Variants in NFIB observed in about 807,000 individuals in gnomAD.
The protein encoded by NFIB is nuclear factor I B, also known as nuclear factor 1 B-type.
A neutral mutation model predicts 61.5 loss-of-function variants in NFIB; 11 were observed. That is an observed-to-expected ratio of 0.18 (90% CI 0.11 to 0.30). The LOEUF (loss-of-function observed/expected upper bound fraction) is 0.30. NFIB is among the 10% of genes least tolerant of loss of function. NFIB has a pLI of 1.00. For synonymous variants in NFIB, 260 were observed against 216.5 expected, an observed-to-expected ratio of 1.20 and a Z score of -1.76; for missense variants, 471 against 608.9, an observed-to-expected ratio of 0.77 and a Z score of 2.38.
At chr9:14,434,936 A>G in the NFIB span, among the ~76,000 whole-genome samples, 9 of 152,226 alleles carry the variant, frequency 5.9e-5, no homozygotes, top group Non-Finnish European at 1.3e-4. Flanking sequence ...AACCTCATGC[A>G]TGTATTGATT....
the NFIB span, among the ~76,000 whole-genome samples, chr9:14,420,414 C>T: frequency 8.0e-6 from 1 of 124,844 alleles, no homozygotes; most frequent in Non-Finnish European, 1.6e-5. Context: ...CCACTGTACT[C>T]CAGCCTGGGC....
At chr9:14,396,843 C>A (rs542750280) in intron 1 of NFIB, among the ~76,000 whole-genome samples, 1 of 152,250 alleles carries the variant, frequency 6.6e-6, no homozygotes, top group East Asian at 1.9e-4. Context: ...GTAGCTGAAT[C>A]TAAGGTGCCT....
intron 8 of NFIB, among the ~76,000 whole-genome samples, chr9:14,118,954 G>C (rs909127588): frequency 6.6e-6 from 1 of 151,646 alleles, no homozygotes; most frequent in Non-Finnish European, 1.5e-5. Flanking sequence ...GTAACACTAA[G>C]GGCCTGATTT....
At chr9:14,375,603 A>T (rs1257194168) in intron 1 of NFIB, among the ~76,000 whole-genome samples, 1 of 152,112 alleles carries the variant, frequency 6.6e-6, no homozygotes, top group Non-Finnish European at 1.5e-5. Flanking sequence ...GGTTGCAGTG[A>T]GCTGAGATTG....
the NFIB span, among the ~76,000 whole-genome samples, chr9:14,412,197 G>C: frequency 1.3e-5 from 2 of 152,278 alleles, no homozygotes; most frequent in African/African-American, 4.8e-5. Context: ...CAGCAATAAA[G>C]TACTTACATA....
chr9:14,322,098 A>T, intron 1 of NFIB: 1 of 938,720 alleles, frequency 1.1e-6, no homozygotes, highest in Non-Finnish European at 1.4e-6. Context: ...AAAAAAAAAA[A>T]AAAAGCAATC....
At chr9:14,140,358 G>A (rs1003829745) in intron 6 of NFIB, among the ~76,000 whole-genome samples, 5 of 152,224 alleles carry the variant, frequency 3.3e-5, no homozygotes, top group Admixed American at 1.3e-4. Flanking sequence ...GTCAGACTGT[G>A]GTTTGGACTA....
Position 14,085,050 on chromosome 9 carries a change from A to G in NFIB, c.*3259T>C, listed in dbSNP as rs1308059425. On this transcript the variant is annotated 3_prime_UTR_variant, in exon 11 of 11. Transcript: ENST00000380953. ...TCACCTAATAGGTCAAAGATACATG[A>G]AGAGCTTGGCTGAGATGATCTGTTT... 1 of 227,780 alleles carries G rather than the reference A, an allele frequency of 4.4e-6. No homozygotes were observed. 14.1% of individuals were successfully genotyped at this position (227,780 alleles called of 1,614,324 possible). A position where few individuals can be genotyped will look rare whatever the true frequency, so the allele number is the denominator to read the frequency against.
At position 14,307,482 on chromosome 9, in the gene NFIB, A is replaced by G; in HGVS notation, c.69T>C (p.His23=). 9 of 1,611,442 alleles carry G rather than the reference A, an allele frequency of 5.6e-6. No homozygotes were observed. The highest frequency in any genetic ancestry group is 7.6e-6 in the Non-Finnish European group (9 of 1,178,166). Residue 23 remains histidine, a synonymous_variant, in exon 2 of 11, where the codon CAT becomes CAC. Transcript: ENST00000380953. The surrounding 1 kb of genome is among the most constrained non-coding windows in gnomAD (Gnocchi z 5.3). ...FHPFIEALLP[H]VRAIAYTWFN... is the part of the protein sequence containing the mutation. ...ACCAAGTATAGGCAATTGCACGGAC[A>G]TGTGGAAGAAGTGCCTCGATGAATG...
At chr9:14,126,355 G>A (rs944557187) in intron 6 of NFIB, among the ~76,000 whole-genome samples, 1 of 152,234 alleles carries the variant, frequency 6.6e-6, no homozygotes, top group Non-Finnish European at 1.5e-5. Context: ...CTCACTGTTG[G>A]TGAGGAGGAA....
chr9:14,297,171 A>G (rs1563987030), intron 2 of NFIB, among the ~76,000 whole-genome samples: 1 of 152,166 alleles, frequency 6.6e-6, no homozygotes, highest in Non-Finnish European at 1.5e-5. Flanking sequence ...GAGATTTTTA[A>G]ATCCTCTGGG....
At chr9:14,187,538 C>A (rs2047514588) in intron 2 of NFIB, among the ~76,000 whole-genome samples, 1 of 151,996 alleles carries the variant, frequency 6.6e-6, no homozygotes, top group Non-Finnish European at 1.5e-5. Context: ...TTTCATTAAC[C>A]AAAGAAAACT....
At chr9:14,462,436 C>T in the NFIB span, among the ~76,000 whole-genome samples, 2 of 152,048 alleles carry the variant, frequency 1.3e-5, no homozygotes, top group Non-Finnish European at 2.9e-5. Flanking sequence ...GCACCCGCCA[C>T]CACGCCCGGC....
At chr9:14,245,682 G>T (rs565865188) in intron 2 of NFIB, among the ~76,000 whole-genome samples, 1 of 152,150 alleles carries the variant, frequency 6.6e-6, no homozygotes, top group South Asian at 2.1e-4. Flanking sequence ...AGACCAACCT[G>T]GCCAACATGG....
chr9:14,288,383 ATATTTTGGCATC>A (rs1170712448), intron 2 of NFIB, among the ~76,000 whole-genome samples: 1 of 152,106 alleles, frequency 6.6e-6, no homozygotes, highest in African/African-American at 2.4e-5. Flanking sequence ...TTAGTATTAA[ATATTTTGGCATC>A]TGTGTTAAAA....
At chr9:14,102,526 T>C in intron 10 of NFIB, 2 of 1,549,332 alleles carry the variant, frequency 1.3e-6, no homozygotes, top group Non-Finnish European at 1.7e-6. Context: ...AATTGAAACC[T>C]AGCAGTCAGA....
chr9:14,149,632 G>A (rs2042641029), intron 5 of NFIB, among the ~76,000 whole-genome samples: 1 of 152,080 alleles, frequency 6.6e-6, no homozygotes, highest in Admixed American at 6.6e-5. Flanking sequence ...TATTTTCATT[G>A]GTAACAGAGC....
intron 4 of NFIB, among the ~76,000 whole-genome samples, chr9:14,152,721 C>T (rs1001469645): frequency 8.6e-5 from 13 of 151,992 alleles, no homozygotes; most frequent in African/African-American, 3.1e-4. Context: ...TTAAAATCTT[C>T]AGAAATTGTT....
chr9:14,479,268 TAG>T, the NFIB span, among the ~76,000 whole-genome samples: 1 of 152,194 alleles, frequency 6.6e-6, no homozygotes, highest in South Asian at 2.1e-4. Context: ...GGAGTGCATG[TAG>T]ATACCAGCAA....
Sources: gnomAD v4.1 joint callset for allele counts (sites outside exome capture counted in the v4.1 genomes callset) on GRCh38, gnomAD v4.1.1 for gene constraint, Gnocchi (gnomAD v3.1) non-coding constraint, MANE v1.5 for transcripts, NCBI Gene and HGNC (gene_info 2026-07-23, HGNC 2026-07-21) for gene names.